Variants in PIK3C2G observed in about 807,000 individuals in gnomAD.
The protein encoded by PIK3C2G is phosphatidylinositol-4-phosphate 3-kinase catalytic subunit type 2 gamma.
Under a neutral mutation model 181.1 loss-of-function variants are expected in PIK3C2G, and 168 were observed. The ratio of observed to expected loss-of-function variants is 0.93; its 90% CI spans 0.82 to 1.05. PIK3C2G has a LOEUF of 1.05. Ranked by LOEUF, PIK3C2G falls within the 50% of genes least tolerant of loss-of-function variation. PIK3C2G has a pLI of 0.00. For missense variants in PIK3C2G, 1,869 were observed against 1,732.8 expected (o/e 1.08, Z -1.40); for synonymous variants, 573 against 592.2 (o/e 0.97, Z 0.47).
chr12:18,311,530 G>GGT (rs150381184), intron 5 of PIK3C2G, among the ~76,000 whole-genome samples: 53,813 of 148,598 alleles, frequency 0.36, 9,456 homozygotes, highest in Admixed American at 0.4. Context: ...GGTATAAAGG[G>GGT]GTGTGTGTGT....
At chr12:18,292,695 T>C (rs1264656510) in intron 4 of PIK3C2G, among the ~76,000 whole-genome samples, 1 of 152,170 alleles carries the variant, frequency 6.6e-6, no homozygotes, top group Non-Finnish European at 1.5e-5. Context: ...CTATAGCATG[T>C]CTACATTTTG....
intron 11 of PIK3C2G, among the ~76,000 whole-genome samples, chr12:18,355,568 G>A (rs1002303995): frequency 2.6e-5 from 4 of 152,228 alleles, no homozygotes; most frequent in African/African-American, 7.2e-5. Flanking sequence ...CCGGCTGCAC[G>A]GGGTCCCTGG....
intron 30 of PIK3C2G, among the ~76,000 whole-genome samples, chr12:18,601,041 A>T (rs1009378410): frequency 6.6e-6 from 1 of 152,100 alleles, no homozygotes; most frequent in African/African-American, 2.4e-5. Flanking sequence ...TCACTTAAGA[A>T]TATCAAGGAA....
chr12:18,465,949 T>C (rs1288531666), intron 18 of PIK3C2G, among the ~76,000 whole-genome samples: 2 of 151,626 alleles, frequency 1.3e-5, no homozygotes, highest in African/African-American at 2.4e-5. Flanking sequence ...ATTGTTATTC[T>C]ACATACTTCT....
intron 18 of PIK3C2G, among the ~76,000 whole-genome samples, chr12:18,450,873 G>T (rs750041878): frequency 2.6e-5 from 4 of 152,156 alleles, no homozygotes; most frequent in Non-Finnish European, 5.9e-5. Flanking sequence ...GTTTGTCAAA[G>T]ATCAGATGGT....
rs574724731 is a variant in PIK3C2G at position 18,292,302 on chromosome 12, G to T, written c.919+1290G>T. On this transcript the variant is annotated intron_variant, in intron 4 of 32. Coordinates refer to ENST00000538779, the MANE Select transcript of PIK3C2G (RefSeq NM_001288772.2). Reference sequence around the variant, plus strand: ...TATATGAATTTCAGCAAACAATTAGGAATATATGAAAAACACAAATAATCA... The same window carrying T: ...TATATGAATTTCAGCAAACAATTAGTAATATATGAAAAACACAAATAATCA... Among the ~76,000 whole-genome samples, 14 of 138,288 alleles carry T rather than the reference G, an allele frequency of 1.0e-4. No homozygotes were observed. In the South Asian group the frequency reaches 2.3e-3, roughly 22 times the overall value. The allele number at this position is 138,288 out of a possible 152,430, so 90.7% of individuals were successfully genotyped here.
At chr12:18,553,442 G>A (rs1001718395) in intron 26 of PIK3C2G, among the ~76,000 whole-genome samples, 2 of 151,914 alleles carry the variant, frequency 1.3e-5, no homozygotes, top group Admixed American at 1.3e-4. Context: ...CTTTCATAAG[G>A]CATCTATCTA....
At chr12:18,475,509 T>C (rs954241224) in intron 18 of PIK3C2G, among the ~76,000 whole-genome samples, 11 of 151,896 alleles carry the variant, frequency 7.2e-5, no homozygotes, top group Non-Finnish European at 1.5e-4. Flanking sequence ...CTCTGTGGGA[T>C]GATTCTTAGC....
intron 11 of PIK3C2G, among the ~76,000 whole-genome samples, chr12:18,360,526 G>T (rs1480321117): frequency 1.3e-5 from 2 of 152,146 alleles, no homozygotes; most frequent in Non-Finnish European, 2.9e-5. Flanking sequence ...TTGAAGGACA[G>T]TGTTTAGCAT....
chr12:18,275,639 C>G (rs985710013), intron 1 of PIK3C2G, among the ~76,000 whole-genome samples: 1 of 152,164 alleles, frequency 6.6e-6, no homozygotes, highest in Non-Finnish European at 1.5e-5. Context: ...CCTCGGCCTC[C>G]CAAAGTGCTG....
At chr12:18,476,135 T>G (rs968562636) in intron 18 of PIK3C2G, among the ~76,000 whole-genome samples, 1 of 152,186 alleles carries the variant, frequency 6.6e-6, no homozygotes. Context: ...TACTTCATCC[T>G]TACACGGGTG....
At chr12:18,408,371 G>T (rs1408627635) in intron 16 of PIK3C2G, among the ~76,000 whole-genome samples, 1 of 152,144 alleles carries the variant, frequency 6.6e-6, no homozygotes, top group Non-Finnish European at 1.5e-5. Context: ...TCAGATGGTT[G>T]TAGATGTCTG....
chr12:18,650,323 C>CTA (rs1213171244), downstream of PIK3C2G, among the ~76,000 whole-genome samples: 718 of 77,720 alleles, frequency 9.2e-3, 7 homozygotes, highest in Admixed American at 0.013. Context: ...CTCTCTCTCT[C>CTA]TCTCTCTCTA....
At chr12:18,350,128 G>A (rs1011260978) in intron 11 of PIK3C2G, among the ~76,000 whole-genome samples, 3 of 152,200 alleles carry the variant, frequency 2.0e-5, no homozygotes, top group Non-Finnish European at 2.9e-5. Context: ...ACAAAGCTAA[G>A]TGCCTGAGGT....
At chr12:18,393,323 G>A (rs1447808280) in intron 15 of PIK3C2G, among the ~76,000 whole-genome samples, 1 of 152,026 alleles carries the variant, frequency 6.6e-6, no homozygotes, top group Non-Finnish European at 1.5e-5. Flanking sequence ...ATTCTGGACT[G>A]TGAAAATAGA....
intron 3 of PIK3C2G, among the ~76,000 whole-genome samples, chr12:18,289,687 C>A (rs551993942): frequency 6.6e-6 from 1 of 152,140 alleles, no homozygotes; most frequent in African/African-American, 2.4e-5. Context: ...ATCCAGAACA[C>A]GAGTGGATAC....
At chr12:18,303,035 A>G (rs1321085901) in intron 5 of PIK3C2G, among the ~76,000 whole-genome samples, 2 of 152,166 alleles carry the variant, frequency 1.3e-5, no homozygotes, top group African/African-American at 4.8e-5. Flanking sequence ...GTACACACAG[A>G]TGCAGTAGGC....
chr12:18,606,162 G>C (rs929583254), intron 30 of PIK3C2G, among the ~76,000 whole-genome samples: 5 of 152,104 alleles, frequency 3.3e-5, no homozygotes, highest in Admixed American at 6.6e-5. Flanking sequence ...CTAATCTTGA[G>C]CAAGAGGTGG....
chr12:18,612,821 T>G (rs1948410309), intron 31 of PIK3C2G, among the ~76,000 whole-genome samples: 1 of 152,176 alleles, frequency 6.6e-6, no homozygotes, highest in African/African-American at 2.4e-5. Flanking sequence ...TTAAGTTTGA[T>G]GAAAAGTATT....
Sources: gnomAD v4.1 joint callset for allele counts (sites outside exome capture counted in the v4.1 genomes callset) on GRCh38, gnomAD v4.1.1 for gene constraint, MANE v1.5 for transcripts, NCBI Gene and HGNC (gene_info 2026-07-23, HGNC 2026-07-21) for gene names.